RO60: variants seen among roughly 807,000 people sequenced by gnomAD.
RO60 encodes Ro60, Y RNA binding protein.
Under a neutral mutation model 55.3 loss-of-function variants are expected in RO60, and 20 were observed. The observed-to-expected ratio is 0.36, with a 90% CI of 0.25 to 0.53. The LOEUF (loss-of-function observed/expected upper bound fraction) is 0.53, where lower values mean the gene tolerates loss of function less well. Among genes scored for constraint, RO60 ranks in the 20% least tolerant of loss-of-function variants. The probability of loss-of-function intolerance (pLI) is 0.92; values close to 1 mark genes in which losing one functional copy is unlikely to be tolerated. For missense variants in RO60, 558 were observed against 646.6 expected (o/e 0.86, Z 1.49); for synonymous variants, 213 against 213.6 (o/e 1.00, Z 0.02).
At chr1:193,060,292 A>T in intron 1 of RO60, 1 of 339,638 alleles carries the variant, frequency 2.9e-6, no homozygotes, top group Non-Finnish European at 5.6e-6. Context: ...GGTTGAAAAC[A>T]AATGTCGTGT....
At chr1:193,061,757 G>C (rs1333563530) in intron 1 of RO60, among the ~76,000 whole-genome samples, 1 of 152,186 alleles carries the variant, frequency 6.6e-6, no homozygotes, top group African/African-American at 2.4e-5. Context: ...GGCCCAGGCG[G>C]GTGGATCACG....
At chr1:193,079,081 CTTT>C (rs745317535) in intron 5 of RO60, among the ~76,000 whole-genome samples, 8 of 85,932 alleles carry the variant, frequency 9.3e-5, no homozygotes, top group Non-Finnish European at 1.1e-4. Flanking sequence ...GTTCAGTTGA[CTTT>C]TTTTTTTTTT....
In RO60 at chr1:193,059,664, T is replaced by C; in HGVS notation, c.-134T>C. 1 of 1,376,932 alleles carries C rather than the reference T, an allele frequency of 7.3e-7. No individual in the cohort carries two copies. The highest frequency in any genetic ancestry group is 9.7e-7 in the Non-Finnish European group (1 of 1,030,592). 85.3% of individuals were successfully genotyped at this position (1,376,932 alleles called of 1,614,324 possible). On this transcript the variant is annotated 5_prime_UTR_variant, in exon 1 of 9. Coordinates refer to ENST00000400968, the MANE Select transcript of RO60 (RefSeq NM_001173524.2). This position sits in a 1 kb window ranked among gnomAD's most constrained non-coding sequence, Gnocchi z 4.9. Reference sequence around the variant, plus strand: ...TCCCCGGCGGCAGTGGGGCTGTTGCTGTTGCTGTGGCTGTCGCTGCCCGTC... The same window carrying C: ...TCCCCGGCGGCAGTGGGGCTGTTGCCGTTGCTGTGGCTGTCGCTGCCCGTC...
Position 193,082,589 on chromosome 1 carries a change from C to T in RO60, c.1345C>T (p.Leu449Phe). The change falls in exon 8 of 9, where the codon CTT becomes TTT. Residue 449 changes from leucine (L) to phenylalanine (F), a missense_variant. Physicochemically the swap from Leu to Phe is conservative, Grantham distance 22. Coordinates refer to ENST00000400968, the MANE Select transcript of RO60 (RefSeq NM_001173524.2). ...QIPAGGTDCS[L>F]PMIWAQKTNT... ...CCCAGCAGGTGGAACTGATTGCTCTCTTCCAATGATCTGGGCTCAGAAGAC... is the reference window on the plus strand; with the variant it reads ...CCCAGCAGGTGGAACTGATTGCTCTTTTCCAATGATCTGGGCTCAGAAGAC... 6.2e-7 allele frequency: 1 copy of T among 1,613,918 alleles called. No homozygotes were observed. The highest frequency in any genetic ancestry group is 2.2e-5 in the East Asian group (1 of 44,854).
In RO60 at chr1:193,089,534, A is replaced by T. The variant is rs921781519; in HGVS notation, c.*4803A>T. The T allele has an allele frequency of 6.6e-6, 1 of 152,178 alleles. No individual in the cohort carries two copies. The highest frequency in any genetic ancestry group is 6.5e-5 in the Admixed American group (1 of 15,284). 9.4% of individuals were successfully genotyped at this position (152,178 alleles called of 1,614,324 possible). On this transcript the variant is annotated 3_prime_UTR_variant, in exon 9 of 9. Coordinates refer to ENST00000400968, the MANE Select transcript of RO60 (RefSeq NM_001173524.2). ...ATGTAGTTAAGCATACTGTTTGAAT[A>T]AAATTATAATAAATGGCACAATTCC...
intron 2 of RO60, among the ~76,000 whole-genome samples, 169 bp downstream of exon 2, chr1:193,069,803 T>C (rs1421131804): frequency 1.3e-5 from 2 of 152,224 alleles, no homozygotes; most frequent in African/African-American, 4.8e-5. Flanking sequence ...ATTACACCCC[T>C]ACCACAGGCG....
chr1:193,073,076 G>C (rs1235558019), intron 2 of RO60, among the ~76,000 whole-genome samples: 1 of 152,206 alleles, frequency 6.6e-6, no homozygotes, highest in African/African-American at 2.4e-5. Flanking sequence ...TGTGATTCAA[G>C]TCATCAGGTA....
intron 1 of RO60, among the ~76,000 whole-genome samples, chr1:193,064,107 C>A (rs548166974): frequency 6.6e-6 from 1 of 152,154 alleles, no homozygotes; most frequent in Non-Finnish European, 1.5e-5. Context: ...GAAATGTGGG[C>A]ACATCACCTT....
chr1:193,060,150 G>A (rs1267789854), intron 1 of RO60: 4 of 1,174,548 alleles, frequency 3.4e-6, no homozygotes, highest in Non-Finnish European at 4.3e-6. Flanking sequence ...CGGGATCTGG[G>A]TTTTGGAAGA....
chr1:193,088,327 A>G lies in RO60; in HGVS notation c.*3596A>G, dbSNP rs1330716933. The G allele has an allele frequency of 6.6e-6, 1 of 151,594 alleles. No individual in the cohort carries two copies. The highest frequency in any genetic ancestry group is 2.1e-4 in the South Asian group (1 of 4,816). The allele number at this position is 151,594 out of a possible 1,614,324, so 9.4% of individuals were successfully genotyped here. A position where few individuals can be genotyped will look rare whatever the true frequency, so the allele number is the denominator to read the frequency against. On this transcript the variant is annotated 3_prime_UTR_variant, in exon 9 of 9. Transcript: ENST00000400968. Reference sequence around the variant, plus strand: ...GCACCCAGCCAGCAAACATTCTCTTAATCTTTTAAAGTAACCAGTAAATCT... The same window carrying G: ...GCACCCAGCCAGCAAACATTCTCTTGATCTTTTAAAGTAACCAGTAAATCT...
chr1:193,060,895 T>A (rs1672594038), intron 1 of RO60, among the ~76,000 whole-genome samples: 1 of 152,052 alleles, frequency 6.6e-6, no homozygotes, highest in South Asian at 2.1e-4. Flanking sequence ...CAAAGTAGTT[T>A]GTGGTATTTT....
rs1341755499 is a variant in RO60 at position 193,086,310 on chromosome 1, G to T, written c.*1579G>T. 2 of 152,176 alleles carry T rather than the reference G, an allele frequency of 1.3e-5. No individual in the cohort carries two copies. The highest frequency in any genetic ancestry group is 4.8e-5 in the African/African-American group (2 of 41,380). 9.4% of individuals were successfully genotyped at this position (152,176 alleles called of 1,614,324 possible). A position where few individuals can be genotyped will look rare whatever the true frequency, so the allele number is the denominator to read the frequency against. ...CAAATTTATTTGACATATTAATGCTGGTTTTGATATGTACCCATTCCTTCA... is the reference window on the plus strand; with the variant it reads ...CAAATTTATTTGACATATTAATGCTTGTTTTGATATGTACCCATTCCTTCA... On this transcript the variant is annotated 3_prime_UTR_variant, in exon 9 of 9. Coordinates refer to ENST00000400968, the MANE Select transcript of RO60 (RefSeq NM_001173524.2).
chr1:193,073,030 G>A (rs1673630408), intron 2 of RO60, among the ~76,000 whole-genome samples: 1 of 152,180 alleles, frequency 6.6e-6, no homozygotes, highest in South Asian at 2.1e-4. Flanking sequence ...GCCTTTAAGT[G>A]TAATGTGTAT....
chr1:193,077,681 G>A (rs1389004104), intron 5 of RO60, among the ~76,000 whole-genome samples: 1 of 152,076 alleles, frequency 6.6e-6, no homozygotes, highest in Non-Finnish European at 1.5e-5. Flanking sequence ...TTTGGGTGGG[G>A]ACACAGCCAA....
intron 2 of RO60, among the ~76,000 whole-genome samples, chr1:193,072,434 C>CTT (rs772802885): frequency 0.01 from 1,445 of 137,882 alleles, 14 homozygotes; most frequent in South Asian, 0.034. Flanking sequence ...TTTTCTTTGT[C>CTT]TTTTTTTTTT....
chr1:193,071,815 T>TAC (rs1673528892), intron 2 of RO60, among the ~76,000 whole-genome samples: 1 of 146,750 alleles, frequency 6.8e-6, no homozygotes, highest in African/African-American at 2.5e-5. Context: ...AATATATATA[T>TAC]ACCTATATAC....
intron 1 of RO60, among the ~76,000 whole-genome samples, chr1:193,064,630 A>C (rs770660625): frequency 1.3e-5 from 2 of 152,234 alleles, no homozygotes; most frequent in African/African-American, 2.4e-5. Flanking sequence ...CTGGCTGCTA[A>C]TAATGTTATC....
rs1421551525 is a variant in RO60, at chr1:193,089,797, TTTAAC to T, written c.*5069_*5073del. On this transcript the variant is annotated 3_prime_UTR_variant, in exon 9 of 9. Coordinates refer to ENST00000400968, the MANE Select transcript of RO60 (RefSeq NM_001173524.2). ...ATTAATTTTATGAACATAAATGATA[TTTAAC>T]TTTTCTTTTTTTTTTTTTTTTTGAG... The T allele has an allele frequency of 1.3e-5, 2 of 151,714 alleles. No individual in the cohort carries two copies. Among genetic ancestry groups the T allele is most frequent in the Admixed American group, 6.6e-5 (1 of 15,208 alleles). 9.4% of individuals were successfully genotyped at this position (151,714 alleles called of 1,614,324 possible). A position where few individuals can be genotyped will look rare whatever the true frequency, so the allele number is the denominator to read the frequency against.
At chr1:193,070,271 C>G (rs1230008133) in intron 2 of RO60, among the ~76,000 whole-genome samples, 1 of 152,134 alleles carries the variant, frequency 6.6e-6, no homozygotes, top group Non-Finnish European at 1.5e-5. Context: ...AGGAACCCAT[C>G]TTCCATGGAA....
Sources: allele counts gnomAD v4.1 joint callset (sites outside exome capture counted in the v4.1 genomes callset), GRCh38; gene constraint gnomAD v4.1.1; non-coding constraint Gnocchi (gnomAD v3.1); transcripts MANE v1.5; gene names NCBI Gene and HGNC (gene_info 2026-07-23, HGNC 2026-07-21).